Variants in RBM25 observed in about 807,000 individuals in gnomAD.
RBM25 encodes RNA binding motif protein 25.
A neutral mutation model predicts 120.7 loss-of-function variants in RBM25; 19 were observed. The observed-to-expected ratio is 0.16, with a 90% CI of 0.11 to 0.23. The LOEUF is 0.23. Ranked by LOEUF, RBM25 falls within the 10% of genes least tolerant of loss-of-function variation. The pLI, the probability that RBM25 is intolerant of heterozygous loss-of-function variation, is 1.00. For synonymous variants in RBM25, 390 were observed against 326.7 expected (o/e 1.19, Z -2.09); for missense variants, 605 against 1,041.5 (o/e 0.58, Z 5.77).
chr14:73,122,382 A>G lies in RBM25; in HGVS notation c.*2577A>G, dbSNP rs1200112782. ...CTTCCGCCTCCCGGGTTCTGGAGATATTCTGCTTCAGTTTTCTGAGTAGCT... is the reference window on the plus strand; with the variant it reads ...CTTCCGCCTCCCGGGTTCTGGAGATGTTCTGCTTCAGTTTTCTGAGTAGCT... On this transcript the variant is annotated 3_prime_UTR_variant, in exon 19 of 19. Transcript: ENST00000261973. The G allele has an allele frequency of 6.6e-6, 1 of 151,300 alleles. No homozygotes were observed. Among genetic ancestry groups the G allele is most frequent in the Non-Finnish European group, 1.5e-5 (1 of 67,924 alleles). The allele number at this position is 151,300 out of a possible 1,614,324, so 9.4% of individuals were successfully genotyped here.
rs765944850 is a variant in RBM25, at chr14:73,111,760, T to G, written c.2250T>G (p.Pro750=). ...SLIEKIPTAK[P]ELFAYPLDWS... ...TTGAGAAAATCCCTACAGCCAAACC[T>G]GAGCTCTTCGCTTATCCCCTGGATT... The change falls in exon 16 of 19, where the codon CCT becomes CCG. Residue 750 remains proline (P), a synonymous_variant. Coordinates refer to ENST00000261973, the MANE Select transcript of RBM25 (RefSeq NM_021239.3). 6.2e-7 allele frequency: 1 copy of G among 1,612,552 alleles called. No individual in the cohort carries two copies. Among genetic ancestry groups the G allele is most frequent in the South Asian group, 1.1e-5 (1 of 90,736 alleles).
intron 3 of RBM25, among the ~76,000 whole-genome samples, chr14:73,077,125 C>T (rs1895441685): frequency 6.6e-6 from 1 of 152,096 alleles, no homozygotes; most frequent in African/African-American, 2.4e-5. Flanking sequence ...ACAAAGTTTT[C>T]TTGGTTATTT....
rs1896545205 is a variant in RBM25, at chr14:73,121,767, G to T, written c.*1962G>T. 6.6e-6 allele frequency: 1 copy of T among 152,148 alleles called. No individual in the cohort carries two copies. The highest frequency in any genetic ancestry group is 2.4e-5 in the African/African-American group (1 of 41,424). 9.4% of individuals were successfully genotyped at this position (152,148 alleles called of 1,614,324 possible). On this transcript the variant is annotated 3_prime_UTR_variant, in exon 19 of 19. Transcript: ENST00000261973. ...TTTGCTTCGTTTCTTCTCCTGCTCT[G>T]TCAACTGTACTTATCTTAAAGGGCC...
intron 2 of RBM25, among the ~76,000 whole-genome samples, chr14:73,075,393 A>G (rs139116604): frequency 1.2e-3 from 184 of 152,248 alleles, no homozygotes; most frequent in Middle Eastern, 6.8e-3. Context: ...TCCTGACCTC[A>G]GGTGATTTAC....
chr14:73,092,816 T>G (rs966765462), intron 6 of RBM25, among the ~76,000 whole-genome samples: 5 of 152,132 alleles, frequency 3.3e-5, no homozygotes, highest in African/African-American at 1.2e-4. Flanking sequence ...GTTCTCCTGC[T>G]TCGGCCTCCC....
At chr14:73,078,931 C>T (rs763316562) in intron 4 of RBM25, among the ~76,000 whole-genome samples, 1 of 152,130 alleles carries the variant, frequency 6.6e-6, no homozygotes. Context: ...ACTGTGAGTC[C>T]TTTTCCCCAA....
At chr14:73,081,559 A>C (rs1895564097) in intron 4 of RBM25, among the ~76,000 whole-genome samples, 1 of 151,802 alleles carries the variant, frequency 6.6e-6, no homozygotes, top group African/African-American at 2.4e-5. Flanking sequence ...GGTGGTTTGG[A>C]TCCTATATCT....
At chr14:73,102,427 G>GTTAATGCT (rs2140454271) in intron 9 of RBM25, 1 of 152,356 alleles carries the variant, frequency 6.6e-6, no homozygotes, top group East Asian at 1.9e-4. Flanking sequence ...GCATCTGTAA[G>GTTAATGCT]TTAATGCACA....
chr14:73,083,392 TTA>T (rs1188260845), intron 4 of RBM25, 100 bp from the exon 5 acceptor site: 2 of 923,416 alleles, frequency 2.2e-6, no homozygotes, highest in South Asian at 1.9e-5. Flanking sequence ...GTTTTTTATT[TTA>T]TGTTTTTTAT....
Position 73,111,150 on chromosome 14 carries a change from A to G in RBM25, c.2012A>G (p.Lys671Arg). The change falls in exon 15 of 19, where the codon AAA becomes AGA. Residue 671 changes from lysine to arginine, a missense_variant. Physicochemically the swap from Lys to Arg is conservative, Grantham distance 26. Coordinates refer to ENST00000261973, the MANE Select transcript of RBM25 (RefSeq NM_021239.3). ...AGGCCAAAAATAGGACTAAGTCTTA[A>G]ACTGGGTACGTTAGCATTTCCTTCC... The part of the protein sequence containing the change: ...EHRPKIGLSL[K>R]LGASNSPGQP... 1 of 1,600,598 alleles carries G rather than the reference A, an allele frequency of 6.2e-7. No homozygotes were observed. Among genetic ancestry groups the G allele is most frequent in the Non-Finnish European group, 8.6e-7 (1 of 1,168,008 alleles).
intron 10 of RBM25, 67 bp from the exon 11 acceptor site, chr14:73,105,792 T>G: frequency 3.2e-6 from 5 of 1,571,888 alleles, no homozygotes; most frequent in Non-Finnish European, 4.3e-6. Flanking sequence ...TATGTTGTCC[T>G]CCTTTACTTT....
chr14:73,107,239 G>A (rs1896209607), intron 12 of RBM25: 1 of 152,268 alleles, frequency 6.6e-6, no homozygotes, highest in South Asian at 2.1e-4. Flanking sequence ...TTGTAGCGTA[G>A]CGTATATATA....
intron 2 of RBM25, among the ~76,000 whole-genome samples, chr14:73,075,799 T>C (rs1895403052): frequency 6.6e-6 from 1 of 152,090 alleles, no homozygotes; most frequent in Non-Finnish European, 1.5e-5. Context: ...TTTACCTTTT[T>C]TTTGGTCTTT....
intron 1 of RBM25, among the ~76,000 whole-genome samples, chr14:73,065,635 G>A (rs777307824): frequency 1.0e-3 from 156 of 149,872 alleles, no homozygotes; most frequent in Non-Finnish European, 2.0e-3. Flanking sequence ...GGCCAGGATG[G>A]TCTTGATCTC....
rs183418714 is a variant in RBM25, at chr14:73,110,545, C to T, written c.1693-286C>T. Among the ~76,000 whole-genome samples the T allele has an allele frequency of 6.0e-4, 92 of 152,120 alleles. No homozygotes were observed. In the Middle Eastern group the frequency reaches 0.02, roughly 34 times the overall value. On this transcript the variant is annotated intron_variant, in intron 14 of 18. Transcript: ENST00000261973. Reference sequence around the variant, plus strand: ...CCAGGTTCAAGCGATTCTCCTGCCTCAGCCTCCTGAGTAGCTGGGATTACA... The same window carrying T: ...CCAGGTTCAAGCGATTCTCCTGCCTTAGCCTCCTGAGTAGCTGGGATTACA...
At chr14:73,081,621 T>C (rs1469049875) in intron 4 of RBM25, among the ~76,000 whole-genome samples, 2 of 152,240 alleles carry the variant, frequency 1.3e-5, no homozygotes, top group South Asian at 2.1e-4. Flanking sequence ...ATACATCCTC[T>C]GTATATGATG....
intron 7 of RBM25, among the ~76,000 whole-genome samples, chr14:73,098,006 G>A (rs559035911): frequency 2.6e-5 from 4 of 152,312 alleles, no homozygotes; most frequent in South Asian, 2.1e-4. Context: ...GCTGACACAT[G>A]TAGTCCCAGC....
In RBM25 at chr14:73,103,130, G is replaced by T; in HGVS notation, c.868-62G>T. 5 of 1,555,062 alleles carry T rather than the reference G, an allele frequency of 3.2e-6. No individual in the cohort carries two copies. The South Asian group carries it at 6.3e-5, about 20-fold the overall frequency. Reference sequence around the variant, plus strand: ...TGTTCCCAGTACTGGGCTTTGCGCCGGGAAAAATCTGAATACTGGAGCTAC... The same window carrying T: ...TGTTCCCAGTACTGGGCTTTGCGCCTGGAAAAATCTGAATACTGGAGCTAC... On this transcript the variant is annotated intron_variant, in intron 9 of 18. Coordinates refer to ENST00000261973, the MANE Select transcript of RBM25 (RefSeq NM_021239.3).
chr14:73,090,719 A>G (rs963005102), intron 6 of RBM25, among the ~76,000 whole-genome samples: 4 of 152,000 alleles, frequency 2.6e-5, no homozygotes, highest in African/African-American at 7.2e-5. Context: ...TTCAACCCCC[A>G]TCTCTGATTA....
Sources: gnomAD v4.1 joint callset for allele counts (sites outside exome capture counted in the v4.1 genomes callset) on GRCh38, gnomAD v4.1.1 for gene constraint, MANE v1.5 for transcripts, NCBI Gene and HGNC (gene_info 2026-07-23, HGNC 2026-07-21) for gene names.